The following ADCY2 variants were observed in gnomAD, a reference collection of about 807,000 sequenced individuals.
The protein encoded by ADCY2 is adenylate cyclase 2.
A neutral mutation model predicts 125.2 loss-of-function variants in ADCY2; 31 were observed. The observed-to-expected ratio is 0.25, with a 90% CI of 0.19 to 0.33. ADCY2 has a LOEUF of 0.33. Among genes scored for constraint, ADCY2 ranks in the 10% least tolerant of loss-of-function variants. The pLI is 1.00. For missense variants in ADCY2, 904 were observed against 1,418.2 expected (o/e 0.64, Z 5.82); for synonymous variants, 512 against 548.4 (o/e 0.93, Z 0.93).
chr5:7,444,192 C>A lies in ADCY2; in HGVS notation c.408+29422C>A, dbSNP rs1393733937. ...GCAGTGGCGGGATCTCGGCTCACTGCAAGCTCCGCCTCCCGGGTTCACGCC... is the reference window on the plus strand; with the variant it reads ...GCAGTGGCGGGATCTCGGCTCACTGAAAGCTCCGCCTCCCGGGTTCACGCC... On this transcript the variant is annotated intron_variant, in intron 2 of 24. Coordinates refer to ENST00000338316, the MANE Select transcript of ADCY2 (RefSeq NM_020546.3). Among the ~76,000 whole-genome samples, 3 of 148,504 alleles carry A rather than the reference C, an allele frequency of 2.0e-5. No individual in the cohort carries two copies. In the Admixed American group the frequency reaches 2.0e-4, roughly 10 times the overall value.
intron 13 of ADCY2, 65 bp downstream of exon 13, chr5:7,724,679 T>C (rs945894766): frequency 8.1e-7 from 1 of 1,227,852 alleles, no homozygotes; most frequent in Non-Finnish European, 1.2e-6. Context: ...CTTCATGAAA[T>C]TGTGCTCATG....
chr5:7,497,908 A>G, intron 2 of ADCY2, among the ~76,000 whole-genome samples: 1 of 152,122 alleles, frequency 6.6e-6, no homozygotes, highest in East Asian at 1.9e-4. Flanking sequence ...AAACATAGAC[A>G]AAAGGACTTA....
chr5:7,815,813 T>C (rs1437460880), intron 22 of ADCY2, among the ~76,000 whole-genome samples: 2 of 152,194 alleles, frequency 1.3e-5, no homozygotes, highest in Admixed American at 6.5e-5. Context: ...CCCTCCATAT[T>C]AGTTTGCTAA....
chr5:7,649,639 A>C (rs1739014233), intron 4 of ADCY2, among the ~76,000 whole-genome samples: 1 of 152,134 alleles, frequency 6.6e-6, no homozygotes, highest in African/African-American at 2.4e-5. Context: ...GTTCTCTGCC[A>C]TTTACCCTTA....
At chr5:7,614,872 T>C (rs1310066472) in intron 3 of ADCY2, among the ~76,000 whole-genome samples, 1 of 152,186 alleles carries the variant, frequency 6.6e-6, no homozygotes, top group Non-Finnish European at 1.5e-5. Context: ...TAGCAACATG[T>C]CCCTCCTTGT....
At chr5:7,507,461 A>AAAAAAAAAAAAAAAAAT (rs374187517) in intron 2 of ADCY2, among the ~76,000 whole-genome samples, 4 of 114,112 alleles carry the variant, frequency 3.5e-5, no homozygotes, top group Non-Finnish European at 3.7e-5. Flanking sequence ...AAAAAAAAAA[A>AAAAAAAAAAAAAAAAAT]GGTAACAAAG....
At chr5:7,825,422 G>A (rs747871950) in intron 24 of ADCY2, among the ~76,000 whole-genome samples, 3 of 152,266 alleles carry the variant, frequency 2.0e-5, no homozygotes, top group Non-Finnish European at 4.4e-5. Flanking sequence ...ACACTGCTAT[G>A]TGGCTTGTAA....
chr5:7,495,177 G>A (rs1479748096), intron 2 of ADCY2, among the ~76,000 whole-genome samples: 1 of 152,158 alleles, frequency 6.6e-6, no homozygotes, highest in Non-Finnish European at 1.5e-5. Flanking sequence ...ATGTATGTTA[G>A]CCCTAATCAC....
chr5:7,481,911 A>G (rs1258376809), intron 2 of ADCY2, among the ~76,000 whole-genome samples: 2 of 151,844 alleles, frequency 1.3e-5, no homozygotes, highest in African/African-American at 2.4e-5. Context: ...TGTTTCCCCC[A>G]TGTTTTTCTT....
intron 15 of ADCY2, among the ~76,000 whole-genome samples, chr5:7,748,537 C>CACAA (rs10657815): frequency 7.3e-6 from 1 of 136,258 alleles, no homozygotes; most frequent in Non-Finnish European, 1.7e-5. Context: ...CACACACACA[C>CACAA]ACACACACAC....
At chr5:7,496,373 A>G (rs1260908185) in intron 2 of ADCY2, among the ~76,000 whole-genome samples, 1 of 152,192 alleles carries the variant, frequency 6.6e-6, no homozygotes, top group Non-Finnish European at 1.5e-5. Flanking sequence ...TGTGCTCTTA[A>G]TTCTGTTGGG....
intron 3 of ADCY2, among the ~76,000 whole-genome samples, chr5:7,613,589 G>A (rs1005772181): frequency 3.9e-5 from 6 of 152,204 alleles, no homozygotes; most frequent in Non-Finnish European, 7.3e-5. Context: ...ATCAACCACT[G>A]AGCTTTGGTG....
At chr5:7,711,762 C>CT (rs1256181550) in intron 10 of ADCY2, among the ~76,000 whole-genome samples, 1 of 152,200 alleles carries the variant, frequency 6.6e-6, no homozygotes, top group African/African-American at 2.4e-5. Flanking sequence ...TGAACGAACT[C>CT]TATTTTCTTA....
At chr5:7,546,308 A>G (rs966105770) in intron 3 of ADCY2, among the ~76,000 whole-genome samples, 1 of 152,218 alleles carries the variant, frequency 6.6e-6, no homozygotes, top group African/African-American at 2.4e-5. Context: ...CGATGATAAT[A>G]GAGATGGTGG....
intron 22 of ADCY2, among the ~76,000 whole-genome samples, chr5:7,809,917 T>C (rs1006387089): frequency 1.3e-5 from 2 of 152,234 alleles, no homozygotes; most frequent in African/African-American, 4.8e-5. Flanking sequence ...AAAGGAAATA[T>C]TAAACTGGAA....
chr5:7,774,197 G>T (rs1743643839), intron 18 of ADCY2, among the ~76,000 whole-genome samples: 1 of 152,182 alleles, frequency 6.6e-6, no homozygotes, highest in South Asian at 2.1e-4. Flanking sequence ...TTTGCAGAAG[G>T]TGCAACCCAT....
chr5:7,488,871 C>T lies in ADCY2; in HGVS notation c.409-31867C>T, dbSNP rs1056679260. Among the ~76,000 whole-genome samples the T allele has an allele frequency of 1.3e-5, 2 of 151,776 alleles. 1 individual carries two copies. The highest frequency in any genetic ancestry group is 4.9e-5 in the African/African-American group (2 of 41,044). On this transcript the variant is annotated intron_variant, in intron 2 of 24. Coordinates refer to ENST00000338316, the MANE Select transcript of ADCY2 (RefSeq NM_020546.3). ...GAGAGGTTAAGCTGCAGATCTCCTC[C>T]TCAGGCTCATTTGCGGTCCAGACCT...
chr5:7,456,891 G>A (rs1741692806), intron 2 of ADCY2, among the ~76,000 whole-genome samples: 2 of 152,194 alleles, frequency 1.3e-5, no homozygotes, highest in Admixed American at 1.3e-4. Flanking sequence ...ATAGGATTTT[G>A]TAAGGGAGGG....
intron 3 of ADCY2, among the ~76,000 whole-genome samples, chr5:7,592,330 G>T (rs1263610743): frequency 6.6e-6 from 1 of 152,088 alleles, no homozygotes. Context: ...AATAAAAAAA[G>T]ATTCTATAGT....
Sources: gnomAD v4.1 joint callset for allele counts (sites outside exome capture counted in the v4.1 genomes callset) on GRCh38, gnomAD v4.1.1 for gene constraint, MANE v1.5 for transcripts, NCBI Gene and HGNC (gene_info 2026-07-23, HGNC 2026-07-21) for gene names.